Variants in ESRRB observed in about 807,000 individuals in gnomAD.
ESRRB encodes estrogen related receptor beta, also known as steroid hormone receptor ERR2.
Under a neutral mutation model 46.0 loss-of-function variants are expected in ESRRB, and 16 were observed. The observed-to-expected ratio is 0.35, with a 90% CI of 0.24 to 0.53. The LOEUF (loss-of-function observed/expected upper bound fraction) is 0.53, where lower values mean the gene tolerates loss of function less well. ESRRB is among the 20% of genes least tolerant of loss of function. The pLI is 0.93. For synonymous variants in ESRRB, 246 were observed against 259.6 expected, an observed-to-expected ratio of 0.95 and a Z score of 0.50; for missense variants, 488 against 607.4, an observed-to-expected ratio of 0.80 and a Z score of 2.07.
At chr14:76,321,886 C>A (rs77703691) in intron 1 of ESRRB, among the ~76,000 whole-genome samples, 59 of 141,962 alleles carry the variant, frequency 4.2e-4, no homozygotes, top group South Asian at 6.9e-4. Flanking sequence ...GACTCCGTCT[C>A]AAAAAAAAAA....
chr14:76,414,668 TAA>T (rs71452810), intron 1 of ESRRB, among the ~76,000 whole-genome samples: 8,590 of 116,552 alleles, frequency 0.074, 413 homozygotes, highest in East Asian at 0.28. Flanking sequence ...GTTTGTTCCT[TAA>T]AAAAAAAAAA....
intron 6 of ESRRB, among the ~76,000 whole-genome samples, chr14:76,494,307 C>CTTTTTT (rs34982499): frequency 7.0e-6 from 1 of 142,262 alleles, no homozygotes; most frequent in Admixed American, 7.0e-5. Flanking sequence ...TACAGAATAA[C>CTTTTTT]TTTTTTTTTT....
At chr14:76,350,648 A>G (rs1315463894) in intron 1 of ESRRB, among the ~76,000 whole-genome samples, 7 of 152,172 alleles carry the variant, frequency 4.6e-5, no homozygotes, top group Non-Finnish European at 1.0e-4. Flanking sequence ...TGTCTCCCAG[A>G]GCCTGAAGCC....
chr14:76,394,362 C>G (rs1885589436), intron 1 of ESRRB, among the ~76,000 whole-genome samples: 1 of 152,196 alleles, frequency 6.6e-6, no homozygotes, highest in South Asian at 2.1e-4. Context: ...TTCTGACTGC[C>G]CACTATGAGC....
At chr14:76,387,390 T>C (rs1203416265) in intron 1 of ESRRB, among the ~76,000 whole-genome samples, 1 of 152,196 alleles carries the variant, frequency 6.6e-6, no homozygotes, top group Non-Finnish European at 1.5e-5. Context: ...TGGGTGACAG[T>C]TCTGCAACAG....
chr14:76,388,741 C>T (rs720967), intron 1 of ESRRB, among the ~76,000 whole-genome samples: 30,598 of 152,182 alleles, frequency 0.2, 3,556 homozygotes, highest in South Asian at 0.27. Flanking sequence ...AGGGCCCATG[C>T]CCAGCCTCTG....
intron 1 of ESRRB, among the ~76,000 whole-genome samples, chr14:76,326,420 C>T (rs554629880): frequency 7.2e-5 from 11 of 152,170 alleles, no homozygotes; most frequent in Admixed American, 1.3e-4. Flanking sequence ...GGATCCCTGG[C>T]GAGTTAATCT....
chr14:76,427,019 A>T (rs1887232181), intron 1 of ESRRB, among the ~76,000 whole-genome samples: 1 of 152,218 alleles, frequency 6.6e-6, no homozygotes. Context: ...CTGAACAGAG[A>T]TGCTGCAGGG....
intron 1 of ESRRB, among the ~76,000 whole-genome samples, chr14:76,338,891 C>T (rs1321785784): frequency 3.3e-5 from 5 of 152,266 alleles, no homozygotes; most frequent in Non-Finnish European, 5.9e-5. Flanking sequence ...TGCAGTGAGC[C>T]AAGATTGTGC....
At chr14:76,363,666 G>A (rs1261438122) in intron 1 of ESRRB, among the ~76,000 whole-genome samples, 1 of 152,168 alleles carries the variant, frequency 6.6e-6, no homozygotes, top group Non-Finnish European at 1.5e-5. Flanking sequence ...GCCCACACTG[G>A]CCTCCCAAAA....
At chr14:76,415,954 T>C (rs1022362887) in intron 1 of ESRRB, among the ~76,000 whole-genome samples, 18 of 152,230 alleles carry the variant, frequency 1.2e-4, no homozygotes, top group African/African-American at 4.3e-4. Flanking sequence ...GAAGTAGACT[T>C]TGAATGATGT....
chr14:76,463,664 G>C (rs1888986199), intron 3 of ESRRB, among the ~76,000 whole-genome samples: 2 of 151,812 alleles, frequency 1.3e-5, no homozygotes, highest in African/African-American at 4.8e-5. Flanking sequence ...AGCCAGGATG[G>C]TCTCGATTTC....
chr14:76,466,317 T>C (rs1437720400), intron 3 of ESRRB, among the ~76,000 whole-genome samples: 1 of 152,166 alleles, frequency 6.6e-6, no homozygotes, highest in Non-Finnish European at 1.5e-5. Flanking sequence ...TTGTGTTTTA[T>C]GATTTTTCCT....
chr14:76,459,072 T>C (rs1888743626), intron 2 of ESRRB, among the ~76,000 whole-genome samples: 1 of 152,186 alleles, frequency 6.6e-6, no homozygotes, highest in African/African-American at 2.4e-5. Context: ...CTTGAACTCC[T>C]GACCTCAGAT....
chr14:76,446,416 T>C (rs1056732408), intron 2 of ESRRB, among the ~76,000 whole-genome samples: 1 of 151,870 alleles, frequency 6.6e-6, no homozygotes, highest in African/African-American at 2.4e-5. Context: ...GGGGCTGTGA[T>C]GACACTCACT....
At chr14:76,433,713 T>C (rs1245927474) in intron 1 of ESRRB, among the ~76,000 whole-genome samples, 5 of 152,144 alleles carry the variant, frequency 3.3e-5, no homozygotes, top group Non-Finnish European at 7.4e-5. Flanking sequence ...GAGGCTTCTG[T>C]CCCCATCATG....
intron 3 of ESRRB, among the ~76,000 whole-genome samples, chr14:76,466,447 AG>A (rs954418381): frequency 1.3e-5 from 2 of 152,120 alleles, no homozygotes; most frequent in Non-Finnish European, 2.9e-5. Context: ...TGGCCAGCTC[AG>A]GGATCTAAGC....
At chr14:76,485,877 G>T (rs1215705620) in intron 5 of ESRRB, among the ~76,000 whole-genome samples, 3 of 152,194 alleles carry the variant, frequency 2.0e-5, no homozygotes, top group Non-Finnish European at 4.4e-5. Flanking sequence ...TGCACACTTA[G>T]CTTTGCATGC....
intron 1 of ESRRB, among the ~76,000 whole-genome samples, chr14:76,416,021 A>G (rs1886683724): frequency 1.3e-5 from 2 of 152,198 alleles, no homozygotes; most frequent in African/African-American, 4.8e-5. Flanking sequence ...AATAATTTGA[A>G]GGTAAAATAA....
Sources: gnomAD v4.1 joint callset for allele counts (sites outside exome capture counted in the v4.1 genomes callset) on GRCh38, gnomAD v4.1.1 for gene constraint, MANE v1.5 for transcripts, NCBI Gene and HGNC (gene_info 2026-07-23, HGNC 2026-07-21) for gene names.